The following FOXP1 variants were observed in gnomAD, a reference collection of about 807,000 sequenced individuals.
The protein encoded by FOXP1 is forkhead box protein P1.
Under a neutral mutation model 98.2 loss-of-function variants are expected in FOXP1, and 15 were observed. The observed-to-expected ratio is 0.15, with a 90% CI of 0.10 to 0.24. The LOEUF (loss-of-function observed/expected upper bound fraction) is 0.24, where lower values mean the gene tolerates loss of function less well. FOXP1 is among the 10% of genes least tolerant of loss of function. The pLI, the probability that FOXP1 is intolerant of heterozygous loss-of-function variation, is 1.00. For missense variants in FOXP1, 633 were observed against 848.5 expected (o/e 0.75, Z 3.15); for synonymous variants, 371 against 314.5 (o/e 1.18, Z -1.90).
chr3:71,136,441 G>A (rs1348778097), intron 6 of FOXP1, among the ~76,000 whole-genome samples: 2 of 152,180 alleles, frequency 1.3e-5, no homozygotes, highest in Non-Finnish European at 2.9e-5. Context: ...CTGGGGCATT[G>A]TATGATAAAC....
At chr3:71,274,314 A>G (rs2070682886) in intron 5 of FOXP1, among the ~76,000 whole-genome samples, 1 of 152,224 alleles carries the variant, frequency 6.6e-6, no homozygotes, top group Non-Finnish European at 1.5e-5. Flanking sequence ...TTAACTAAGG[A>G]CATTAAGAAG....
At chr3:71,153,457 C>A (rs1394695443) in intron 6 of FOXP1, among the ~76,000 whole-genome samples, 2 of 151,326 alleles carry the variant, frequency 1.3e-5, no homozygotes, top group African/African-American at 4.9e-5. Flanking sequence ...TTCTAAATGA[C>A]TGGAAGGCTT....
intron 7 of FOXP1, among the ~76,000 whole-genome samples, chr3:71,063,208 G>C (rs957999870): frequency 6.6e-6 from 1 of 152,248 alleles, no homozygotes; most frequent in African/African-American, 2.4e-5. Context: ...ACTGAAATGT[G>C]TCAGGCAGCT....
At chr3:71,144,556 T>C (rs1187995572) in intron 6 of FOXP1, among the ~76,000 whole-genome samples, 1 of 152,158 alleles carries the variant, frequency 6.6e-6, no homozygotes, top group African/African-American at 2.4e-5. Flanking sequence ...GGCAAAAGGC[T>C]GAGCGTGATT....
intron 3 of FOXP1, among the ~76,000 whole-genome samples, chr3:71,434,207 A>G (rs2084990028): frequency 6.6e-6 from 1 of 152,216 alleles, no homozygotes; most frequent in Non-Finnish European, 1.5e-5. Flanking sequence ...GGAGCTCTGA[A>G]GAAGTATGTG....
At chr3:71,095,316 C>A (rs957094522) in intron 7 of FOXP1, among the ~76,000 whole-genome samples, 4 of 152,178 alleles carry the variant, frequency 2.6e-5, no homozygotes, top group African/African-American at 9.7e-5. Flanking sequence ...GTTGGTCTTA[C>A]CTTAAAGAAA....
At chr3:71,400,505 G>A (rs1051580612) in intron 3 of FOXP1, among the ~76,000 whole-genome samples, 6 of 152,108 alleles carry the variant, frequency 3.9e-5, no homozygotes, top group East Asian at 1.9e-4. Context: ...TTACAGGCAC[G>A]AGCCACCATG....
At chr3:71,072,234 G>A (rs370953016) in intron 7 of FOXP1, among the ~76,000 whole-genome samples, 4 of 152,264 alleles carry the variant, frequency 2.6e-5, no homozygotes, top group South Asian at 2.1e-4. Flanking sequence ...CAGGAGGATC[G>A]CTTGAGCCCT....
intron 2 of FOXP1, among the ~76,000 whole-genome samples, chr3:71,504,990 G>T (rs994529172): frequency 6.6e-6 from 1 of 152,128 alleles, no homozygotes; most frequent in Non-Finnish European, 1.5e-5. Context: ...ACAGATGAAC[G>T]AACCAAGGCT....
At chr3:71,180,809 A>G (rs1444329771) in intron 6 of FOXP1, among the ~76,000 whole-genome samples, 2 of 152,182 alleles carry the variant, frequency 1.3e-5, no homozygotes, top group Admixed American at 6.5e-5. Flanking sequence ...TTTATCTGAA[A>G]TAAAACCCTG....
intron 5 of FOXP1, among the ~76,000 whole-genome samples, chr3:71,293,272 C>A (rs1950131): frequency 0.23 from 34,902 of 151,980 alleles, 4,397 homozygotes; most frequent in Middle Eastern, 0.32. Flanking sequence ...AATATTTGTG[C>A]CTTTGGCAGA....
At chr3:71,389,441 C>T (rs1051010093) in intron 3 of FOXP1, among the ~76,000 whole-genome samples, 1 of 151,916 alleles carries the variant, frequency 6.6e-6, no homozygotes, top group Non-Finnish European at 1.5e-5. Context: ...AGTGCTGTTG[C>T]AGTAAGGGTT....
intron 7 of FOXP1, 95 bp downstream of exon 7, chr3:71,112,441 C>A: frequency 1.0e-6 from 1 of 1,001,750 alleles, no homozygotes. Context: ...GATTTTCTTA[C>A]ATGATTTGCA....
intron 4 of FOXP1, among the ~76,000 whole-genome samples, chr3:71,339,069 GTC>G (rs1560332952): frequency 1.3e-5 from 2 of 152,294 alleles, no homozygotes; most frequent in East Asian, 3.9e-4. Context: ...GTTTACTAGT[GTC>G]TGGATATGAT....
At chr3:71,184,555 G>T (rs772739872) in intron 6 of FOXP1, among the ~76,000 whole-genome samples, 11 of 152,176 alleles carry the variant, frequency 7.2e-5, no homozygotes, top group Non-Finnish European at 1.2e-4. Flanking sequence ...GGCGTGTACA[G>T]TGCTACATTT....
intron 13 of FOXP1, among the ~76,000 whole-genome samples, chr3:71,000,655 G>A (rs2042000263): frequency 6.6e-6 from 1 of 152,012 alleles, no homozygotes; most frequent in Admixed American, 6.6e-5. Flanking sequence ...AGTGAGAAGA[G>A]AGGGAAAGTG....
chr3:71,051,070 A>T (rs960885415), intron 9 of FOXP1, among the ~76,000 whole-genome samples: 1 of 152,224 alleles, frequency 6.6e-6, no homozygotes, highest in African/African-American at 2.4e-5. Flanking sequence ...GCCACTGATG[A>T]GTAAGCCCTG....
intron 6 of FOXP1, among the ~76,000 whole-genome samples, chr3:71,145,141 G>C (rs2108024019): frequency 6.6e-6 from 1 of 152,274 alleles, no homozygotes; most frequent in Admixed American, 6.5e-5. Flanking sequence ...ACAAACCTTA[G>C]CCTATAGGTT....
intron 17 of FOXP1, among the ~76,000 whole-genome samples, chr3:70,973,454 C>T (rs1575765697): frequency 8.5e-5 from 13 of 152,132 alleles, no homozygotes; most frequent in Admixed American, 8.5e-4. Context: ...TCCTTTCTGG[C>T]CATTCCTAAG....
Sources: gnomAD v4.1 joint callset for allele counts (sites outside exome capture counted in the v4.1 genomes callset) on GRCh38, gnomAD v4.1.1 for gene constraint, MANE v1.5 for transcripts, NCBI Gene and HGNC (gene_info 2026-07-23, HGNC 2026-07-21) for gene names.